THADA: variants seen among roughly 807,000 people sequenced by gnomAD.
THADA encodes THADA armadillo repeat containing, also known as tRNA (32-2'-O)-methyltransferase regulator THADA.
Under a neutral mutation model 219.8 loss-of-function variants are expected in THADA, and 213 were observed. The observed-to-expected ratio is 0.97, with a 90% CI of 0.87 to 1.09. THADA has a LOEUF of 1.09. Ranked by LOEUF, THADA falls within the 50% of genes least tolerant of loss-of-function variation. The pLI, the probability that THADA is intolerant of heterozygous loss-of-function variation, is 0.00. For missense variants in THADA, 2,956 were observed against 2,311.3 expected (o/e 1.28, Z -5.72); for synonymous variants, 1,018 against 828.9 (o/e 1.23, Z -3.92).
At chr2:43,419,116 T>C (rs1677378675) in intron 28 of THADA, among the ~76,000 whole-genome samples, 1 of 152,180 alleles carries the variant, frequency 6.6e-6, no homozygotes, top group Non-Finnish European at 1.5e-5. Flanking sequence ...CCTCCACATC[T>C]TCTCTTGCAA....
intron 36 of THADA, among the ~76,000 whole-genome samples, chr2:43,273,385 T>G (rs1558499614): frequency 6.6e-6 from 1 of 152,172 alleles, no homozygotes; most frequent in Non-Finnish European, 1.5e-5. Context: ...AGTAAAGTGA[T>G]TCTTAACTTT....
At chr2:43,523,726 T>C (rs916092252) in intron 22 of THADA, among the ~76,000 whole-genome samples, 3 of 152,220 alleles carry the variant, frequency 2.0e-5, no homozygotes, top group African/African-American at 7.2e-5. Flanking sequence ...TTTAATTTTT[T>C]CAGGCCAATA....
chr2:43,591,034 T>A, intron 3 of THADA, 80 bp from the exon 4 acceptor site: 1 of 1,383,996 alleles, frequency 7.2e-7, no homozygotes, highest in Non-Finnish European at 9.9e-7. Context: ...CTTTGAAGTC[T>A]CAATTGCTGG....
At chr2:43,367,009 A>G (rs1458466929) in intron 29 of THADA, among the ~76,000 whole-genome samples, 2 of 152,234 alleles carry the variant, frequency 1.3e-5, no homozygotes, top group African/African-American at 4.8e-5. Flanking sequence ...ATTCAGCATT[A>G]AAAAGAAAAT....
intron 4 of THADA, among the ~76,000 whole-genome samples, chr2:43,589,772 A>C (rs1445660963): frequency 6.6e-6 from 1 of 152,118 alleles, no homozygotes; most frequent in Non-Finnish European, 1.5e-5. Flanking sequence ...AAAATCTCAG[A>C]AACCACCACT....
At chr2:43,256,199 C>T (rs943406963) in intron 36 of THADA, among the ~76,000 whole-genome samples, 5 of 152,122 alleles carry the variant, frequency 3.3e-5, no homozygotes, top group African/African-American at 9.7e-5. Context: ...GAAGAAAAGG[C>T]TTCTCTAACA....
At chr2:43,573,093 A>C (rs910006498) in intron 11 of THADA, 101 bp from the exon 12 acceptor site, 21 of 969,872 alleles carry the variant, frequency 2.2e-5, no homozygotes, top group Non-Finnish European at 2.9e-5. Context: ...TATTTCAATA[A>C]ATAAAAATCA....
intron 11 of THADA, 72 bp downstream of exon 11, chr2:43,574,264 A>G (rs2104025526): frequency 2.0e-6 from 2 of 975,618 alleles, no homozygotes; most frequent in East Asian, 5.3e-5. Flanking sequence ...GAATATGATT[A>G]GTATCTGCAT....
chr2:43,316,739 C>T (rs1467415449), intron 31 of THADA, among the ~76,000 whole-genome samples: 4 of 152,092 alleles, frequency 2.6e-5, no homozygotes, highest in East Asian at 3.9e-4. Flanking sequence ...ACCAGCCTGA[C>T]GAACAAGGAG....
intron 22 of THADA, among the ~76,000 whole-genome samples, chr2:43,520,713 TACACACACACACACACACAC>T (rs145550774): frequency 8.0e-6 from 1 of 125,048 alleles, no homozygotes; most frequent in Non-Finnish European, 1.7e-5. Context: ...TATATATATA[TACACACACACACACACACAC>T]ACACACACAC....
At chr2:43,352,713 C>G (rs1296537560) in intron 29 of THADA, among the ~76,000 whole-genome samples, 1 of 151,902 alleles carries the variant, frequency 6.6e-6, no homozygotes, top group African/African-American at 2.4e-5. Flanking sequence ...GAGAGGGTTA[C>G]TATAGTGAAA....
Position 43,586,054 on chromosome 2 carries a change from C to T in THADA, c.533+347G>A, listed in dbSNP as rs1335299372. On this transcript the variant is annotated intron_variant, in intron 7 of 37. Transcript: ENST00000405975. ...CTAAAGCGGGCACATTACTTCAGTC[C>T]AGTAGTTTAAGACCAGCCTGGGCAA... 2.0e-5 allele frequency among the ~76,000 whole-genome samples: 3 copies of T among 152,016 alleles called. No individual in the cohort carries two copies. The South Asian group carries it at 6.2e-4, about 32-fold the overall frequency.
At chr2:43,247,036 C>T (rs750691885) in intron 36 of THADA, among the ~76,000 whole-genome samples, 12 of 152,150 alleles carry the variant, frequency 7.9e-5, no homozygotes, top group Non-Finnish European at 1.8e-4. Context: ...CAAACTGTTG[C>T]GGGATGGATT....
At chr2:43,583,619 A>T (rs1700690095) in intron 7 of THADA, among the ~76,000 whole-genome samples, 1 of 152,246 alleles carries the variant, frequency 6.6e-6, no homozygotes, top group African/African-American at 2.4e-5. Flanking sequence ...ATCAATGTTT[A>T]TAGCAGCATT....
At chr2:43,233,486 A>AT (rs1224306414) in intron 36 of THADA, 1 of 152,106 alleles carries the variant, frequency 6.6e-6, no homozygotes, top group East Asian at 1.9e-4. Context: ...ACAAAATATT[A>AT]TTTTTTCCCA....
At chr2:43,402,420 T>C (rs1304352672) in intron 28 of THADA, among the ~76,000 whole-genome samples, 1 of 151,906 alleles carries the variant, frequency 6.6e-6, no homozygotes, top group Non-Finnish European at 1.5e-5. Context: ...CCAAGAAGAG[T>C]TCAGAATGCA....
intron 36 of THADA, among the ~76,000 whole-genome samples, chr2:43,269,456 C>T (rs1490814611): frequency 6.6e-6 from 1 of 152,224 alleles, no homozygotes; most frequent in Admixed American, 6.5e-5. Flanking sequence ...GCCAGCAGAT[C>T]GAAGACGGGA....
At chr2:43,443,423 C>G (rs946629617) in intron 26 of THADA, among the ~76,000 whole-genome samples, 1 of 152,176 alleles carries the variant, frequency 6.6e-6, no homozygotes, top group African/African-American at 2.4e-5. Context: ...ATAAATAACG[C>G]TTGTCTCACT....
Position 43,438,711 on chromosome 2 carries a change from T to A in THADA, c.3837-8409A>T, listed in dbSNP as rs181123028. On this transcript the variant is annotated intron_variant, in intron 26 of 37. Transcript: ENST00000405975. Reference sequence around the variant, plus strand: ...GTGGAACATTACAGTAGTCCCCCCCTTATCTGAGGGGATACATTTCCATAC... The same window carrying A: ...GTGGAACATTACAGTAGTCCCCCCCATATCTGAGGGGATACATTTCCATAC... Among the ~76,000 whole-genome samples the A allele has an allele frequency of 3.3e-5, 5 of 152,280 alleles. No individual in the cohort carries two copies. The East Asian group carries it at 9.6e-4, about 29-fold the overall frequency.
Sources: allele counts gnomAD v4.1 joint callset (sites outside exome capture counted in the v4.1 genomes callset), GRCh38; gene constraint gnomAD v4.1.1; transcripts MANE v1.5; gene names NCBI Gene and HGNC (gene_info 2026-07-23, HGNC 2026-07-21).